The following SEC11A variants were observed in gnomAD, a reference collection of about 807,000 sequenced individuals.
SEC11A encodes the protein signal peptidase complex catalytic subunit SEC11A.
SEC11A carries 14 observed loss-of-function variants against 25.6 expected under a neutral mutation model. That is an observed-to-expected ratio of 0.55 (90% confidence interval 0.36 to 0.85). The LOEUF (loss-of-function observed/expected upper bound fraction) is 0.85. Ranked by LOEUF, SEC11A falls within the 40% of genes least tolerant of loss-of-function variation. The probability of loss-of-function intolerance (pLI) is 0.01; values close to 1 mark genes in which losing one functional copy is unlikely to be tolerated. For missense variants in SEC11A, 153 were observed against 222.9 expected, an observed-to-expected ratio of 0.69 and a Z score of 2.00; for synonymous variants, 83 against 76.4, an observed-to-expected ratio of 1.09 and a Z score of -0.45.
intron 1 of SEC11A, among the ~76,000 whole-genome samples, chr15:84,699,144 A>C (rs1054935388): frequency 1.3e-5 from 2 of 151,770 alleles, no homozygotes; most frequent in African/African-American, 4.8e-5. Flanking sequence ...GCGAAACCCC[A>C]TCTCTACCAA....
At chr15:84,676,861 G>A (rs1203419980) in intron 4 of SEC11A, among the ~76,000 whole-genome samples, 3 of 151,840 alleles carry the variant, frequency 2.0e-5, no homozygotes, top group Non-Finnish European at 4.4e-5. Context: ...GGAGGCCAAG[G>A]TGGAGGACTG....
At chr15:84,710,811 T>A (rs374966994) in intron 1 of SEC11A, among the ~76,000 whole-genome samples, 8 of 152,040 alleles carry the variant, frequency 5.3e-5, no homozygotes, top group Non-Finnish European at 8.8e-5. Context: ...TCAATGTGCA[T>A]TGAAAAACAC....
intron 4 of SEC11A, among the ~76,000 whole-genome samples, chr15:84,674,779 C>CA (rs1188679744): frequency 1.3e-5 from 2 of 152,060 alleles, no homozygotes; most frequent in Non-Finnish European, 2.9e-5. Flanking sequence ...AGGCTGGTCT[C>CA]AAACTCCTGG....
At chr15:84,710,915 T>C (rs907517343) in intron 1 of SEC11A, among the ~76,000 whole-genome samples, 9 of 150,566 alleles carry the variant, frequency 6.0e-5, no homozygotes, top group Non-Finnish European at 3.0e-5. Flanking sequence ...CTACTAAAAA[T>C]ACAAAAAATT....
chr15:84,677,790 T>C (rs1363802425), intron 4 of SEC11A, among the ~76,000 whole-genome samples: 2 of 152,154 alleles, frequency 1.3e-5, no homozygotes, highest in African/African-American at 2.4e-5. Flanking sequence ...TTTTCAAAAA[T>C]TGTCCAGAAG....
chr15:84,704,893 G>A (rs1440212323), intron 1 of SEC11A, among the ~76,000 whole-genome samples: 2 of 148,848 alleles, frequency 1.3e-5, no homozygotes, highest in Non-Finnish European at 3.0e-5. Context: ...GATAGTAGCT[G>A]TTTTCTGCAT....
At chr15:84,705,773 T>G (rs148303998) in intron 1 of SEC11A, among the ~76,000 whole-genome samples, 3,723 of 151,582 alleles carry the variant, frequency 0.025, 151 homozygotes, top group African/African-American at 0.085. Context: ...GAGAACCGCT[T>G]GAACCCAGGA....
intron 1 of SEC11A, among the ~76,000 whole-genome samples, chr15:84,699,938 TTTC>T (rs1262830625): frequency 7.2e-5 from 11 of 151,998 alleles, no homozygotes; most frequent in Non-Finnish European, 1.3e-4. Context: ...GAATAGTTTG[TTTC>T]CACCAGACAG....
chr15:84,674,793 C>G (rs1404569164), intron 4 of SEC11A, among the ~76,000 whole-genome samples: 1 of 152,144 alleles, frequency 6.6e-6, no homozygotes, highest in Non-Finnish European at 1.5e-5. Flanking sequence ...CTCCTGGGCT[C>G]CAGCGGTTCT....
chr15:84,691,813 C>T (rs147079359), intron 1 of SEC11A, among the ~76,000 whole-genome samples, 169 bp from the exon 2 acceptor site: 1 of 152,202 alleles, frequency 6.6e-6, no homozygotes, highest in African/African-American at 2.4e-5. Context: ...TCAAAACAGG[C>T]CCCCCTTCTT....
intron 1 of SEC11A, among the ~76,000 whole-genome samples, chr15:84,697,049 G>GA (rs35466078): frequency 0.95 from 138,287 of 145,588 alleles, 65,690 homozygotes; most frequent in African/African-American, 0.97. Flanking sequence ...TAAAAATTAA[G>GA]AAAAAAAAAA....
At chr15:84,697,194 T>G (rs1292989357) in intron 1 of SEC11A, among the ~76,000 whole-genome samples, 1 of 152,098 alleles carries the variant, frequency 6.6e-6, no homozygotes, top group Admixed American at 6.6e-5. Context: ...CCCAGGAGGT[T>G]GAGGCTGTAG....
In SEC11A at chr15:84,691,597, T is replaced by C. The variant is rs376800818; in HGVS notation, c.99A>G (p.Leu33=). ...LNFGMIVSSA[L]MIWKGLMVIT... ...TTACCATTAACCCCTTCCAGATCAT[T>C]AGTGCCGATGAGACAATCATTCCAA... The change falls in exon 2 of 6, where the codon CTA becomes CTG. Residue 33 remains leucine, a synonymous_variant. Coordinates refer to ENST00000268220, the MANE Select transcript of SEC11A (RefSeq NM_014300.4). The C allele has an allele frequency of 2.5e-6, 4 of 1,613,064 alleles. No homozygotes were observed. In the African/African-American group the frequency reaches 5.3e-5, roughly 22 times the overall value.
chr15:84,690,688 T>C (rs1897578845), intron 2 of SEC11A, among the ~76,000 whole-genome samples: 1 of 152,106 alleles, frequency 6.6e-6, no homozygotes, highest in African/African-American at 2.4e-5. Context: ...AAAAATTCAG[T>C]ACTATTTGTC....
chr15:84,691,071 CTCT>C (rs1167567651), intron 2 of SEC11A, among the ~76,000 whole-genome samples: 1 of 111,270 alleles, frequency 9.0e-6, no homozygotes, highest in African/African-American at 4.5e-5. Context: ...TTTCTTTTCT[CTCT>C]TTTTTTTTTT....
chr15:84,694,456 C>A (rs1433452142), intron 1 of SEC11A, among the ~76,000 whole-genome samples: 1 of 152,016 alleles, frequency 6.6e-6, no homozygotes, highest in Non-Finnish European at 1.5e-5. Flanking sequence ...ACATTTTCTA[C>A]TTCCCTTTTT....
chr15:84,689,068 A>C lies in SEC11A; in HGVS notation c.162-1294T>G, dbSNP rs1897520248. Among the ~76,000 whole-genome samples, 3 of 151,680 alleles carry C rather than the reference A, an allele frequency of 2.0e-5. No individual in the cohort carries two copies. In the South Asian group the frequency reaches 6.2e-4, roughly 31 times the overall value. ...AAAGAAGAAGAAGAAAAGAAAAAAA[A>C]GAAAAGAAAAGAAACTGGGGGCCAG... On this transcript the variant is annotated intron_variant, in intron 2 of 5. Coordinates refer to ENST00000268220, the MANE Select transcript of SEC11A (RefSeq NM_014300.4).
chr15:84,682,442 T>TTTTTG (rs57427423), intron 3 of SEC11A, among the ~76,000 whole-genome samples: 12 of 152,184 alleles, frequency 7.9e-5, no homozygotes, highest in South Asian at 4.1e-4. Context: ...GTATTTTGTT[T>TTTTTG]TTTTGTTTTG....
At chr15:84,685,671 T>C (rs570352940) in intron 3 of SEC11A, among the ~76,000 whole-genome samples, 1 of 152,242 alleles carries the variant, frequency 6.6e-6, no homozygotes, top group South Asian at 2.1e-4. Context: ...CTGATATATT[T>C]AGGGGAAAGT....
Sources: allele counts gnomAD v4.1 joint callset (sites outside exome capture counted in the v4.1 genomes callset), GRCh38; gene constraint gnomAD v4.1.1; transcripts MANE v1.5; gene names NCBI Gene and HGNC (gene_info 2026-07-23, HGNC 2026-07-21).